Variants in TTC7B observed in about 807,000 individuals in gnomAD.
The protein encoded by TTC7B is tetratricopeptide repeat domain 7B, also known as tetratricopeptide repeat protein 7B.
In TTC7B, 28 loss-of-function variants were observed where a neutral mutation model predicts 106.8. That is an observed-to-expected ratio of 0.26 (90% confidence interval 0.19 to 0.36). The LOEUF (loss-of-function observed/expected upper bound fraction) is 0.36, where lower values mean the gene tolerates loss of function less well. TTC7B is among the 10% of genes least tolerant of loss of function. TTC7B has a pLI of 1.00. For synonymous variants in TTC7B, 405 were observed against 430.6 expected, an observed-to-expected ratio of 0.94 and a Z score of 0.74; for missense variants, 862 against 1,076.4, an observed-to-expected ratio of 0.80 and a Z score of 2.79.
At chr14:90,549,634 G>T (rs934174395) in intron 19 of TTC7B, among the ~76,000 whole-genome samples, 2 of 152,188 alleles carry the variant, frequency 1.3e-5, no homozygotes, top group Admixed American at 1.3e-4. Flanking sequence ...GGGGCACGTT[G>T]CTCTCTGGGA....
At chr14:90,713,175 G>A (rs976573853) in intron 5 of TTC7B, among the ~76,000 whole-genome samples, 1 of 152,150 alleles carries the variant, frequency 6.6e-6, no homozygotes, top group Non-Finnish European at 1.5e-5. Flanking sequence ...GAGTACAGTA[G>A]AGCAATCTCG....
intron 19 of TTC7B, among the ~76,000 whole-genome samples, chr14:90,557,333 C>T (rs1326020641): frequency 1.3e-5 from 2 of 152,208 alleles, no homozygotes; most frequent in Non-Finnish European, 2.9e-5. Flanking sequence ...GAGGGCCACG[C>T]TCCCACCCCT....
At chr14:90,754,397 T>C (rs950224745) in intron 3 of TTC7B, among the ~76,000 whole-genome samples, 12 of 152,220 alleles carry the variant, frequency 7.9e-5, no homozygotes, top group Non-Finnish European at 1.6e-4. Flanking sequence ...GCTGATTTTA[T>C]ATGCAAAAAT....
chr14:90,763,397 G>T (rs1463200200), intron 3 of TTC7B, among the ~76,000 whole-genome samples: 1 of 152,162 alleles, frequency 6.6e-6, no homozygotes, highest in Non-Finnish European at 1.5e-5. Context: ...GGCTATCTAT[G>T]AAAACGCCAC....
At chr14:90,771,591 C>T (rs899179006) in intron 3 of TTC7B, among the ~76,000 whole-genome samples, 3 of 152,000 alleles carry the variant, frequency 2.0e-5, no homozygotes, top group Non-Finnish European at 2.9e-5. Flanking sequence ...CAAAGCAAGA[C>T]CCCGTCTCAA....
chr14:90,742,252 T>C lies in TTC7B; in HGVS notation c.576+2540A>G, dbSNP rs1479421769. On this transcript the variant is annotated intron_variant, in intron 4 of 19. Coordinates refer to ENST00000328459, the MANE Select transcript of TTC7B (RefSeq NM_001010854.2). The surrounding 1 kb of genome is among the most constrained non-coding windows in gnomAD (Gnocchi z 4.1). The stretch of plus-strand genomic sequence containing the variant: ...GTTCGCTTCTTTCTTTCTTCCTTTC[T>C]TTCTTTTTTTTCTTTTGTTTCTCTC... Among the ~76,000 whole-genome samples, 1 of 152,086 alleles carries C rather than the reference T, an allele frequency of 6.6e-6. No homozygotes were observed. Among genetic ancestry groups the C allele is most frequent in the African/African-American group, 2.4e-5 (1 of 41,404 alleles).
At chr14:90,707,067 T>C (rs1888240747) in intron 5 of TTC7B, among the ~76,000 whole-genome samples, 1 of 152,260 alleles carries the variant, frequency 6.6e-6, no homozygotes, top group African/African-American at 2.4e-5. Flanking sequence ...ATAGCAAGAA[T>C]ATTCATTCTC....
chr14:90,629,516 C>G (rs1264271300), intron 15 of TTC7B, among the ~76,000 whole-genome samples: 1 of 152,182 alleles, frequency 6.6e-6, no homozygotes, highest in African/African-American at 2.4e-5. Flanking sequence ...GGCTACTCTG[C>G]ACGGACAAAG....
chr14:90,784,603 G>A (rs1028363445), intron 2 of TTC7B, among the ~76,000 whole-genome samples: 3 of 151,660 alleles, frequency 2.0e-5, no homozygotes, highest in Non-Finnish European at 2.9e-5. Context: ...ATGGGGTTTC[G>A]CCATGTTGGC....
chr14:90,793,752 G>A (rs1891670999), intron 1 of TTC7B, among the ~76,000 whole-genome samples: 1 of 151,194 alleles, frequency 6.6e-6, no homozygotes, highest in African/African-American at 2.4e-5. Flanking sequence ...GGGATTACAG[G>A]CATGCACCAC....
At chr14:90,753,273 A>G (rs918465849) in intron 3 of TTC7B, among the ~76,000 whole-genome samples, 25 of 152,240 alleles carry the variant, frequency 1.6e-4, no homozygotes, top group African/African-American at 6.0e-4. Context: ...TTGCCATAAC[A>G]TGACCCACAG....
At chr14:90,557,708 G>A (rs1036211155) in intron 19 of TTC7B, among the ~76,000 whole-genome samples, 1 of 152,262 alleles carries the variant, frequency 6.6e-6, no homozygotes, top group African/African-American at 2.4e-5. Flanking sequence ...TGCTCGGGGG[G>A]AGAGGGGGAA....
At chr14:90,604,001 A>G (rs923142353) in intron 17 of TTC7B, among the ~76,000 whole-genome samples, 2 of 152,214 alleles carry the variant, frequency 1.3e-5, no homozygotes, top group Non-Finnish European at 2.9e-5. Context: ...TTCAGCAGAA[A>G]GCCCAGTGGG....
In TTC7B at chr14:90,715,156, C is replaced by T. The variant is rs112269295; in HGVS notation, c.698+14919G>A. Among the ~76,000 whole-genome samples the T allele has an allele frequency of 4.2e-3, 633 of 152,294 alleles. 5 individuals are homozygous for T. The highest frequency in any genetic ancestry group is 0.014 in the African/African-American group (599 of 41,570). ...GATGGCTATTTTAGGGTCTCCTGTT[C>T]CCAGACCCATCCGATGCCCTGTTGC... On this transcript the variant is annotated intron_variant, in intron 5 of 19. Coordinates refer to ENST00000328459, the MANE Select transcript of TTC7B (RefSeq NM_001010854.2).
At chr14:90,544,174 C>T (rs906893681) in intron 19 of TTC7B, among the ~76,000 whole-genome samples, 10 of 152,226 alleles carry the variant, frequency 6.6e-5, no homozygotes, top group South Asian at 2.1e-4. Flanking sequence ...GCGGAGGCCA[C>T]GCTGCCTCAG....
chr14:90,641,928 T>C (rs1255483189), intron 15 of TTC7B, among the ~76,000 whole-genome samples: 1 of 133,352 alleles, frequency 7.5e-6, no homozygotes, highest in African/African-American at 3.4e-5. Flanking sequence ...AGCTTGTGTG[T>C]GTGTGCGTGT....
At chr14:90,558,386 G>A (rs1298210) in intron 19 of TTC7B, among the ~76,000 whole-genome samples, 1 of 152,130 alleles carries the variant, frequency 6.6e-6, no homozygotes, top group Non-Finnish European at 1.5e-5. Flanking sequence ...TTAGGGCTGC[G>A]CCCACCAAGC....
intron 5 of TTC7B, among the ~76,000 whole-genome samples, chr14:90,699,625 T>C (rs905756887): frequency 2.6e-5 from 4 of 152,228 alleles, no homozygotes; most frequent in African/African-American, 7.2e-5. Flanking sequence ...TTTTCTCTTA[T>C]GTGGCTGAGA....
rs777057486 is a variant in TTC7B, at chr14:90,577,817, T to A, written c.2310+289A>T. Among the ~76,000 whole-genome samples the A allele has an allele frequency of 2.0e-5, 3 of 152,226 alleles. No individual in the cohort carries two copies. Among genetic ancestry groups the A allele is most frequent in the Non-Finnish European group, 4.4e-5 (3 of 68,038 alleles). ...CCCCACGGCCACAAGAATGTCTTTA[T>A]CAAACCCAGAGCCACAGGGTGGCTT... On this transcript the variant is annotated intron_variant, in intron 19 of 19. Coordinates refer to ENST00000328459, the MANE Select transcript of TTC7B (RefSeq NM_001010854.2). This position sits in a 1 kb window ranked among gnomAD's most constrained non-coding sequence, Gnocchi z 5.0.
Sources: gnomAD v4.1 joint callset for allele counts (sites outside exome capture counted in the v4.1 genomes callset) on GRCh38, gnomAD v4.1.1 for gene constraint, Gnocchi (gnomAD v3.1) non-coding constraint, MANE v1.5 for transcripts, NCBI Gene and HGNC (gene_info 2026-07-23, HGNC 2026-07-21) for gene names.